Variants in FAM78B observed in about 807,000 individuals in gnomAD.
FAM78B encodes the protein family with sequence similarity 78 member B.
FAM78B carries 10 observed loss-of-function variants against 20.0 expected under a neutral mutation model. The ratio of observed to expected loss-of-function variants is 0.50; its 90% confidence interval spans 0.31 to 0.85. The LOEUF is 0.85. Among genes scored for constraint, FAM78B ranks in the 40% least tolerant of loss-of-function variants. FAM78B has a pLI of 0.05. For synonymous variants in FAM78B, 135 were observed against 132.8 expected, an observed-to-expected ratio of 1.02 and a Z score of -0.12; for missense variants, 283 against 345.0, an observed-to-expected ratio of 0.82 and a Z score of 1.42.
chr1:166,137,654 G>A lies in FAM78B; in HGVS notation c.263+28332C>T, dbSNP rs146858281. On this transcript the variant is annotated intron_variant, in intron 1 of 1. Transcript: ENST00000354422. ...ATTTTATCTATCTCACAGAAATACT[G>A]ACAATCAAATAAAATATTAGAATTC... is the stretch of plus-strand genomic sequence containing the variant. 8.5e-4 allele frequency among the ~76,000 whole-genome samples: 130 copies of A among 152,240 alleles called. 1 individual carries two copies. The East Asian group carries it at 0.023, about 27-fold the overall frequency.
At chr1:166,100,700 C>T (rs1011361198) in intron 1 of FAM78B, among the ~76,000 whole-genome samples, 3 of 152,196 alleles carry the variant, frequency 2.0e-5, no homozygotes, top group Non-Finnish European at 2.9e-5. Flanking sequence ...CTGGAAAGCT[C>T]GAACTGGGTG....
intron 1 of FAM78B, among the ~76,000 whole-genome samples, chr1:166,156,040 A>G (rs1192513545): frequency 6.6e-5 from 10 of 152,136 alleles, no homozygotes; most frequent in Admixed American, 6.5e-4. Flanking sequence ...ATGCCGATTT[A>G]CCGCTTCCCA....
At chr1:166,063,470 G>C (rs1326567260) in intron 2 of FAM78B, among the ~76,000 whole-genome samples, 1 of 152,166 alleles carries the variant, frequency 6.6e-6, no homozygotes, top group African/African-American at 2.4e-5. Flanking sequence ...TTACTCCCAG[G>C]CCTGTGCGTG....
intron 1 of FAM78B, among the ~76,000 whole-genome samples, chr1:166,139,887 G>C: frequency 6.6e-6 from 1 of 152,212 alleles, no homozygotes; most frequent in East Asian, 1.9e-4. Context: ...CCTGCTGTGA[G>C]GTTGGAGGGA....
chr1:166,104,864 C>A (rs1653701715), intron 1 of FAM78B, among the ~76,000 whole-genome samples: 1 of 152,146 alleles, frequency 6.6e-6, no homozygotes, highest in South Asian at 2.1e-4. Flanking sequence ...CTTTAAAGTT[C>A]ATATGGAACT....
intron 2 of FAM78B, among the ~76,000 whole-genome samples, chr1:166,062,906 G>A (rs1651657929): frequency 6.6e-6 from 1 of 152,240 alleles, no homozygotes; most frequent in South Asian, 2.1e-4. Flanking sequence ...CAGATGGAGA[G>A]ATAACCAGCT....
At chr1:166,113,005 AAT>A (rs1182293829) in intron 1 of FAM78B, among the ~76,000 whole-genome samples, 2 of 152,248 alleles carry the variant, frequency 1.3e-5, no homozygotes, top group East Asian at 3.8e-4. Context: ...GATTTTAAAA[AAT>A]CTGTTTTCTA....
chr1:166,102,533 AC>A (rs1435038462), intron 1 of FAM78B, among the ~76,000 whole-genome samples: 1 of 152,146 alleles, frequency 6.6e-6, no homozygotes, highest in East Asian at 1.9e-4. Context: ...CAAATGGAAA[AC>A]AAAAAAAGGC....
At chr1:166,105,907 G>A (rs376458290) in intron 1 of FAM78B, among the ~76,000 whole-genome samples, 17 of 151,648 alleles carry the variant, frequency 1.1e-4, no homozygotes, top group South Asian at 6.3e-4. Context: ...ACATGCACAC[G>A]TATGTTTATT....
intron 1 of FAM78B, among the ~76,000 whole-genome samples, chr1:166,084,243 T>C (rs201374655): frequency 1.0e-5 from 1 of 97,232 alleles, no homozygotes; most frequent in Admixed American, 9.2e-5. Context: ...ACACACTCTC[T>C]CTCTCTCTCT....
chr1:166,081,599 G>GGGTGA (rs1259052086), intron 1 of FAM78B, among the ~76,000 whole-genome samples: 1 of 152,124 alleles, frequency 6.6e-6, no homozygotes, highest in Admixed American at 6.5e-5. Flanking sequence ...AGCCCTTTTG[G>GGGTGA]CTCCTTACCA....
downstream of FAM78B, among the ~76,000 whole-genome samples, chr1:166,056,337 C>A (rs142943152): frequency 2.6e-5 from 4 of 152,184 alleles, no homozygotes; most frequent in Non-Finnish European, 5.9e-5. Context: ...GAATTAGTGA[C>A]TTTCAGCCCT....
intron 1 of FAM78B, among the ~76,000 whole-genome samples, chr1:166,145,275 T>C (rs1655415144): frequency 6.6e-6 from 1 of 152,240 alleles, no homozygotes; most frequent in Admixed American, 6.5e-5. Context: ...CCATCAAGTT[T>C]ATCTTTGCAA....
At chr1:166,138,436 T>C (rs1421899298) in intron 1 of FAM78B, among the ~76,000 whole-genome samples, 1 of 152,122 alleles carries the variant, frequency 6.6e-6, no homozygotes, top group Non-Finnish European at 1.5e-5. Flanking sequence ...AGTACTATTT[T>C]TTAGGTGCCT....
intron 1 of FAM78B, among the ~76,000 whole-genome samples, chr1:166,093,823 A>C (rs1201152858): frequency 6.6e-6 from 1 of 151,612 alleles, no homozygotes; most frequent in African/African-American, 2.4e-5. Context: ...GCAAGCATTG[A>C]TTTTCTTAGG....
intron 1 of FAM78B, among the ~76,000 whole-genome samples, chr1:166,073,998 T>C (rs1002887707): frequency 2.0e-4 from 30 of 152,202 alleles, no homozygotes; most frequent in African/African-American, 6.3e-4. Context: ...CAGCATCTCT[T>C]ACCTGGTCTA....
intron 1 of FAM78B, among the ~76,000 whole-genome samples, chr1:166,095,880 T>A (rs1653257882): frequency 6.6e-6 from 1 of 152,028 alleles, no homozygotes; most frequent in African/African-American, 2.4e-5. Context: ...GCTCCCAGGA[T>A]CAGTGAAAGA....
chr1:166,134,402 C>T (rs376805056), intron 1 of FAM78B, among the ~76,000 whole-genome samples: 3 of 152,144 alleles, frequency 2.0e-5, no homozygotes, highest in African/African-American at 7.2e-5. Context: ...AGAGGCAGGA[C>T]TGCAGCTCAG....
At position 166,166,314 on chromosome 1, in the gene FAM78B, G is replaced by T. The variant is rs939875984; in HGVS notation, c.-66C>A. 8.8e-7 allele frequency: 1 copy of T among 1,132,230 alleles called. No individual in the cohort carries two copies. The highest frequency in any genetic ancestry group is 1.1e-6 in the Non-Finnish European group (1 of 924,402). The allele number at this position is 1,132,230 out of a possible 1,614,324, so 70.1% of individuals were successfully genotyped here. A position where few individuals can be genotyped will look rare whatever the true frequency, so the allele number is the denominator to read the frequency against. On this transcript the variant is annotated 5_prime_UTR_variant, in exon 1 of 2. Coordinates refer to ENST00000354422, the MANE Select transcript of FAM78B (RefSeq NM_001017961.5). ...CGGGGGCCCGCGCGGGCAGCCGGGG[G>T]CGCCCGTCACGCCGGCATGGCGACG...
Sources: gnomAD v4.1 joint callset for allele counts (sites outside exome capture counted in the v4.1 genomes callset) on GRCh38, gnomAD v4.1.1 for gene constraint, MANE v1.5 for transcripts, NCBI Gene and HGNC (gene_info 2026-07-23, HGNC 2026-07-21) for gene names.